Variants in DDX60L observed in about 807,000 individuals in gnomAD.
The protein encoded by DDX60L is DExD/H-box 60 like.
A neutral mutation model predicts 211.6 loss-of-function variants in DDX60L; 191 were observed. That is an observed-to-expected ratio of 0.90 (90% CI 0.80 to 1.02). The LOEUF (loss-of-function observed/expected upper bound fraction) is 1.02. DDX60L is among the 50% of genes least tolerant of loss of function. The pLI is 0.00. For synonymous variants in DDX60L, 706 were observed against 694.1 expected (o/e 1.02, Z -0.27); for missense variants, 2,007 against 1,984.1 (o/e 1.01, Z -0.22).
rs1561021287 is a variant in DDX60L, at chr4:168,415,510, AC to A, written c.2876del (p.Cys959LeufsTer8). ...NQSYEVRLVLCGERYNDLEKH... is the reference protein window; with the variant it reads ...NQSYEVRLVLXGERYNDLEKH... ...TCTCTAAATCATTGTATCTCTCTCC[AC>A]AGAGCACTAGATACGAAGAGCAAGA... On this transcript the variant is annotated frameshift_variant, in exon 22 of 38. Coordinates refer to ENST00000682922, the MANE Select transcript of DDX60L (RefSeq NM_001012967.3). LOFTEE classifies it high-confidence loss of function. 1 of 1,571,712 alleles carries A rather than the reference AC, an allele frequency of 6.4e-7. No individual in the cohort carries two copies. The highest frequency in any genetic ancestry group is 1.7e-5 in the Admixed American group (1 of 58,804).
intron 36 of DDX60L, among the ~76,000 whole-genome samples, chr4:168,364,421 G>C (rs1471286509): frequency 6.6e-6 from 1 of 152,034 alleles, no homozygotes; most frequent in Non-Finnish European, 1.5e-5. Flanking sequence ...GATCTAAAAG[G>C]AGAGACAAAC....
chr4:168,358,426 A>T, intron 37 of DDX60L, 150 bp from the exon 38 acceptor site: 1 of 579,420 alleles, frequency 1.7e-6, no homozygotes, highest in South Asian at 2.5e-5. Context: ...TAAAATGCAC[A>T]GTTATCTTGT....
At chr4:168,391,924 G>A (rs1479189056) in intron 28 of DDX60L, among the ~76,000 whole-genome samples, 1 of 152,072 alleles carries the variant, frequency 6.6e-6, no homozygotes, top group East Asian at 1.9e-4. Flanking sequence ...TGTCCAAAAA[G>A]ACTTCCTGCA....
At chr4:168,404,150 T>C in intron 24 of DDX60L, 44 bp from the exon 25 acceptor site, 1 of 1,136,398 alleles carries the variant, frequency 8.8e-7, no homozygotes, top group Non-Finnish European at 1.2e-6. Flanking sequence ...AAAAAGAATT[T>C]GTGGAAACAG....
In DDX60L at chr4:168,467,445, C is replaced by CAAAAAAA. The variant is rs199648164; in HGVS notation, c.264+4295_264+4301dup. On this transcript the variant is annotated intron_variant, in intron 4 of 37. Coordinates refer to ENST00000682922, the MANE Select transcript of DDX60L (RefSeq NM_001012967.3). The stretch of plus-strand genomic sequence containing the variant: ...AAAAAAGAAAATTTAGTTTCCATTC[C>CAAAAAAA]AAAAAAAAAAAAAAAATGAAAGAAG... Among the ~76,000 whole-genome samples the CAAAAAAA allele has an allele frequency of 5.4e-3, 582 of 108,526 alleles. 3 individuals are homozygous for CAAAAAAA. The highest frequency in any genetic ancestry group is 8.8e-3 in the Non-Finnish European group (457 of 51,926). 71.2% of individuals were successfully genotyped at this position (108,526 alleles called of 152,430 possible). A position where few individuals can be genotyped will look rare whatever the true frequency, so the allele number is the denominator to read the frequency against.
chr4:168,420,670 TAGATAGATAGATAGACAGAC>T (rs1561034796), intron 17 of DDX60L, among the ~76,000 whole-genome samples: 2 of 141,430 alleles, frequency 1.4e-5, no homozygotes, highest in East Asian at 2.0e-4. Flanking sequence ...GATAGATAGA[TAGATAGATAGATAGACAGAC>T]AGACAGACAG....
intron 34 of DDX60L, among the ~76,000 whole-genome samples, chr4:168,374,113 G>C (rs891164036): frequency 6.6e-6 from 1 of 151,898 alleles, no homozygotes; most frequent in Non-Finnish European, 1.5e-5. Context: ...TGGATTTGGA[G>C]CTGGCATAAG....
chr4:168,390,222 A>C, intron 29 of DDX60L: 1 of 1,038,968 alleles, frequency 9.6e-7, no homozygotes, highest in Non-Finnish European at 1.2e-6. Flanking sequence ...ATTTCTTCCA[A>C]ACTAGTGATT....
chr4:168,394,050 CTGAGCA>C (rs1745329534), intron 28 of DDX60L, among the ~76,000 whole-genome samples: 1 of 152,018 alleles, frequency 6.6e-6, no homozygotes, highest in Non-Finnish European at 1.5e-5. Context: ...AAAAAATTAA[CTGAGCA>C]TGATGGTGCG....
chr4:168,415,572 T>C (rs200423152), intron 21 of DDX60L, 55 bp from the exon 22 acceptor site: 71 of 1,439,014 alleles, frequency 4.9e-5, no homozygotes, highest in African/African-American at 4.3e-5. Context: ...TATTAGAATA[T>C]GGATTTAAAA....
rs569959722 is a variant in DDX60L, at chr4:168,401,979, G to A, written c.3339-1001C>T. ...TAACTAATTTAATCTCTACCATGAC[G>A]TTATGAGGAAGGTAATATTATCTCT... On this transcript the variant is annotated intron_variant, in intron 25 of 37. Transcript: ENST00000682922. Among the ~76,000 whole-genome samples, 21 of 152,234 alleles carry A rather than the reference G, an allele frequency of 1.4e-4. No homozygotes were observed. In the South Asian group the frequency reaches 2.7e-3, roughly 20 times the overall value.
intron 22 of DDX60L, among the ~76,000 whole-genome samples, chr4:168,410,060 CTAGCTA>C: frequency 6.6e-6 from 1 of 152,010 alleles, no homozygotes; most frequent in East Asian, 1.9e-4. Context: ...GCACTATGAG[CTAGCTA>C]TAAGGTAATC....
At chr4:168,361,836 G>A (rs1025498921) in intron 36 of DDX60L, among the ~76,000 whole-genome samples, 3 of 152,224 alleles carry the variant, frequency 2.0e-5, no homozygotes, top group African/African-American at 7.2e-5. Context: ...AGAGTTGCCA[G>A]AAGTTTAAGT....
chr4:168,407,160 C>T (rs1453005213), intron 22 of DDX60L, among the ~76,000 whole-genome samples: 9 of 152,066 alleles, frequency 5.9e-5, no homozygotes, highest in African/African-American at 1.9e-4. Context: ...TACCAAGCCA[C>T]GTAAAAAGGG....
chr4:168,442,304 A>G (rs956127268), intron 9 of DDX60L, among the ~76,000 whole-genome samples: 33 of 152,278 alleles, frequency 2.2e-4, no homozygotes, highest in African/African-American at 7.9e-4. Context: ...ACGGGCTTAA[A>G]AAACGGCGCA....
intron 10 of DDX60L, among the ~76,000 whole-genome samples, chr4:168,441,132 G>A (rs1299002669): frequency 6.6e-6 from 1 of 152,060 alleles, no homozygotes; most frequent in African/African-American, 2.4e-5. Flanking sequence ...GTATATATCT[G>A]TGTAAAATTT....
chr4:168,406,152 A>C, intron 23 of DDX60L, 74 bp from the exon 24 acceptor site: 1 of 1,468,054 alleles, frequency 6.8e-7, no homozygotes, highest in Non-Finnish European at 9.1e-7. Context: ...TGATGTATTT[A>C]AGTTTACTTG....
intron 4 of DDX60L, among the ~76,000 whole-genome samples, chr4:168,464,682 ATTAT>A (rs1348126719): frequency 2.6e-5 from 4 of 152,076 alleles, no homozygotes; most frequent in Admixed American, 6.5e-5. Flanking sequence ...ATCAGACACA[ATTAT>A]TTGTGTGTGT....
chr4:168,449,403 G>A (rs1216154014), intron 8 of DDX60L, among the ~76,000 whole-genome samples: 1 of 126,648 alleles, frequency 7.9e-6, no homozygotes, highest in African/African-American at 3.1e-5. Context: ...CTCATAGGTG[G>A]GAATTGAACA....
Sources: gnomAD v4.1 joint callset for allele counts (sites outside exome capture counted in the v4.1 genomes callset) on GRCh38, gnomAD v4.1.1 for gene constraint, MANE v1.5 for transcripts, NCBI Gene and HGNC (gene_info 2026-07-23, HGNC 2026-07-21) for gene names.